Variants in GLIS3 observed in about 807,000 individuals in gnomAD.
GLIS3 encodes the protein GLIS family zinc finger 3.
A neutral mutation model predicts 78.6 loss-of-function variants in GLIS3; 53 were observed. The observed-to-expected ratio is 0.67, with a 90% CI of 0.54 to 0.85. The LOEUF (loss-of-function observed/expected upper bound fraction) is 0.85, where lower values mean the gene tolerates loss of function less well. GLIS3 is among the 40% of genes least tolerant of loss of function. The pLI is 0.00. For missense variants in GLIS3, 1,703 were observed against 1,231.1 expected (o/e 1.38, Z -5.74); for synonymous variants, 684 against 509.9 (o/e 1.34, Z -4.60).
At chr9:4,489,126 CAA>C in the GLIS3 span, among the ~76,000 whole-genome samples, 2 of 152,140 alleles carry the variant, frequency 1.3e-5, no homozygotes, top group Admixed American at 6.5e-5. Flanking sequence ...CTCGGACTCC[CAA>C]AGTCCTGAGA....
chr9:3,847,275 G>A (rs183883137), intron 9 of GLIS3, among the ~76,000 whole-genome samples: 19 of 152,280 alleles, frequency 1.2e-4, no homozygotes, highest in Admixed American at 1.1e-3. Flanking sequence ...GAGAAAAGAG[G>A]GGCCCAGATA....
chr9:4,368,331 G>C, the GLIS3 span, among the ~76,000 whole-genome samples: 1 of 145,262 alleles, frequency 6.9e-6, no homozygotes, highest in Non-Finnish European at 1.5e-5. Flanking sequence ...GAGCGCACAA[G>C]AACCCTGTTT....
chr9:4,211,789 T>G (rs941361106), intron 2 of GLIS3, among the ~76,000 whole-genome samples: 5 of 152,146 alleles, frequency 3.3e-5, no homozygotes, highest in African/African-American at 1.2e-4. Flanking sequence ...AACTGATGAA[T>G]GGAGAAGTAA....
chr9:4,275,817 G>C (rs1826930267), intron 2 of GLIS3, among the ~76,000 whole-genome samples: 3 of 152,074 alleles, frequency 2.0e-5, no homozygotes, highest in Admixed American at 1.3e-4. Flanking sequence ...TAAAAAGAAT[G>C]AGATCACCAG....
At chr9:3,885,866 GA>G (rs1012914510) in intron 7 of GLIS3, among the ~76,000 whole-genome samples, 6 of 152,322 alleles carry the variant, frequency 3.9e-5, no homozygotes, top group African/African-American at 1.4e-4. Flanking sequence ...TACACAATGT[GA>G]GACAGATAGA....
intron 2 of GLIS3, among the ~76,000 whole-genome samples, chr9:4,245,531 G>C (rs1034341422): frequency 2.0e-5 from 3 of 152,230 alleles, no homozygotes; most frequent in Non-Finnish European, 2.9e-5. Flanking sequence ...AATGCGAAGA[G>C]CTATATAAAT....
At chr9:4,352,461 G>T (rs868510150), upstream of GLIS3, among the ~76,000 whole-genome samples, 2 of 152,276 alleles carry the variant, frequency 1.3e-5, no homozygotes, top group South Asian at 4.1e-4. Context: ...CTAAGGCATG[G>T]TGGGGCATCT....
intron 2 of GLIS3, among the ~76,000 whole-genome samples, chr9:4,281,133 C>A (rs1827507928): frequency 6.6e-6 from 1 of 152,084 alleles, no homozygotes; most frequent in Non-Finnish European, 1.5e-5. Flanking sequence ...ATTTTTATTT[C>A]ATTCTTAAAC....
At chr9:4,235,223 C>A (rs895951682) in intron 2 of GLIS3, among the ~76,000 whole-genome samples, 2 of 147,576 alleles carry the variant, frequency 1.4e-5, no homozygotes, top group Non-Finnish European at 3.0e-5. Flanking sequence ...CGCTTGAACC[C>A]GGGAGGCGGA....
chr9:4,397,077 G>C, the GLIS3 span, among the ~76,000 whole-genome samples: 20 of 137,828 alleles, frequency 1.5e-4, no homozygotes, highest in Middle Eastern at 4.1e-3. Flanking sequence ...CCAGGCTGGA[G>C]TGCAGTGGCG....
At chr9:4,460,241 G>T in the GLIS3 span, among the ~76,000 whole-genome samples, 1 of 152,190 alleles carries the variant, frequency 6.6e-6, no homozygotes, top group East Asian at 1.9e-4. Flanking sequence ...CAATTCCTAG[G>T]AAAAGAAAGA....
At chr9:4,266,001 C>G (rs991501814) in intron 2 of GLIS3, among the ~76,000 whole-genome samples, 1 of 152,086 alleles carries the variant, frequency 6.6e-6, no homozygotes, top group Non-Finnish European at 1.5e-5. Context: ...TCACTGCAAG[C>G]TCCGCCTCCC....
intron 2 of GLIS3, among the ~76,000 whole-genome samples, chr9:4,346,107 C>G (rs1306103130): frequency 6.6e-6 from 1 of 151,968 alleles, no homozygotes; most frequent in Non-Finnish European, 1.5e-5. Context: ...AATTTGACAT[C>G]CATTGAAAGA....
chr9:4,139,627 G>A (rs1052399131), intron 2 of GLIS3, among the ~76,000 whole-genome samples: 3 of 152,056 alleles, frequency 2.0e-5, no homozygotes, highest in Non-Finnish European at 2.9e-5. Context: ...TGGCCCCAGG[G>A]ACTGGTTTCA....
chr9:4,481,133 G>A, the GLIS3 span, among the ~76,000 whole-genome samples: 18 of 151,760 alleles, frequency 1.2e-4, no homozygotes, highest in Non-Finnish European at 2.1e-4. Context: ...TGGGATTACA[G>A]GCATAAGCCA....
chr9:3,962,681 TA>T (rs1817645210), intron 4 of GLIS3, among the ~76,000 whole-genome samples: 1 of 151,648 alleles, frequency 6.6e-6, no homozygotes. Context: ...TTGAGGAGAG[TA>T]AATAGGGAGA....
chr9:3,909,744 T>C (rs765351687), intron 6 of GLIS3, among the ~76,000 whole-genome samples: 1 of 152,098 alleles, frequency 6.6e-6, no homozygotes, highest in South Asian at 2.1e-4. Flanking sequence ...CAAAGAAACA[T>C]AGAATTTCAG....
intron 2 of GLIS3, among the ~76,000 whole-genome samples, chr9:4,215,405 A>T (rs1429393877): frequency 6.6e-6 from 1 of 152,002 alleles, no homozygotes; most frequent in Non-Finnish European, 1.5e-5. Context: ...ACAGTTGGAG[A>T]GGAAGTTCCC....
chr9:3,862,501 A>G (rs1820276156), intron 8 of GLIS3, among the ~76,000 whole-genome samples: 1 of 152,076 alleles, frequency 6.6e-6, no homozygotes, highest in African/African-American at 2.4e-5. Flanking sequence ...AGTCCAAAGT[A>G]TTTCTTTGTC....
Sources: allele counts gnomAD v4.1 joint callset (sites outside exome capture counted in the v4.1 genomes callset), GRCh38; gene constraint gnomAD v4.1.1; transcripts MANE v1.5; gene names NCBI Gene and HGNC (gene_info 2026-07-23, HGNC 2026-07-21).